The following ARHGEF12 variants were observed in gnomAD, a reference collection of about 807,000 sequenced individuals.
ARHGEF12 encodes Rho guanine nucleotide exchange factor 12, also known as KMT2A/ARHGEF12 fusion protein.
ARHGEF12 carries 66 observed loss-of-function variants against 211.2 expected under a neutral mutation model. That is an observed-to-expected ratio of 0.31 (90% CI 0.26 to 0.38). The LOEUF (loss-of-function observed/expected upper bound fraction) is 0.38. Ranked by LOEUF, ARHGEF12 falls within the 10% of genes least tolerant of loss-of-function variation. ARHGEF12 has a pLI of 1.00. For synonymous variants in ARHGEF12, 592 were observed against 638.4 expected (o/e 0.93, Z 1.09); for missense variants, 1,429 against 1,869.5 (o/e 0.76, Z 4.34).
chr11:120,457,477 A>AAAAC, intron 23 of ARHGEF12: 1 of 441,228 alleles, frequency 2.3e-6, no homozygotes. Flanking sequence ...TGTAAAAAAT[A>AAAAC]AAATAAATAA....
chr11:120,392,891 A>C (rs1015627797), intron 1 of ARHGEF12, among the ~76,000 whole-genome samples: 3 of 152,202 alleles, frequency 2.0e-5, no homozygotes, highest in African/African-American at 7.2e-5. Context: ...TGCTTACCCA[A>C]GAATGGAATT....
chr11:120,420,684 A>G (rs1945157706), intron 4 of ARHGEF12, 69 bp from the exon 5 acceptor site: 1 of 1,279,354 alleles, frequency 7.8e-7, no homozygotes, highest in Non-Finnish European at 1.1e-6. Context: ...TATTACTAAT[A>G]TATAATTATT....
chr11:120,348,495 T>A (rs1169421335), intron 1 of ARHGEF12, among the ~76,000 whole-genome samples: 1 of 152,160 alleles, frequency 6.6e-6, no homozygotes, highest in African/African-American at 2.4e-5. Context: ...CGTAAGTACA[T>A]AATACAAACT....
At chr11:120,376,877 A>T (rs902894995) in intron 1 of ARHGEF12, among the ~76,000 whole-genome samples, 2 of 152,164 alleles carry the variant, frequency 1.3e-5, no homozygotes, top group African/African-American at 4.8e-5. Context: ...CCACAAATGA[A>T]TGAGAGCATG....
chr11:120,478,338 T>C lies in ARHGEF12; in HGVS notation c.3715T>C (p.Ser1239Pro). The C allele has an allele frequency of 6.2e-7, 1 of 1,614,180 alleles. No individual in the cohort carries two copies. Among genetic ancestry groups the C allele is most frequent in the Non-Finnish European group, 8.5e-7 (1 of 1,180,018 alleles). The change falls in exon 37 of 41, where the codon TCA (serine) becomes CCA (proline). Residue 1239 changes from serine to proline, a missense_variant. By Grantham distance (74) the Ser-to-Pro change is moderately conservative (BLOSUM62 -1). This residue lies in a region of ARHGEF12 where 467 missense variants were observed against 468.4 expected (regional missense o/e 1.00). Coordinates refer to ENST00000397843, the MANE Select transcript of ARHGEF12 (RefSeq NM_015313.3). ...GEDYQIAIPDSHLPVSEERWA... is the reference protein window; with the variant it reads ...GEDYQIAIPDPHLPVSEERWA... ...AGATTATCAAATCGCAATCCCAGAT[T>C]CACACCTGCCTGTCTCAGAAGAACG... is the stretch of plus-strand genomic sequence containing the variant.
rs535255524 is a variant in ARHGEF12 at position 120,346,237 on chromosome 11, A to G, written c.32+8962A>G. On this transcript the variant is annotated intron_variant, in intron 1 of 40. Transcript: ENST00000397843. ...TAGGTTATGCTGCTGTAGCAACACT[A>G]TCAAATTTCAGTGGCTTACAACACT... Among the ~76,000 whole-genome samples, 9 of 152,348 alleles carry G rather than the reference A, an allele frequency of 5.9e-5. No homozygotes were observed. The South Asian group carries it at 1.9e-3, about 32-fold the overall frequency.
chr11:120,463,019 A>G (rs553881900), intron 27 of ARHGEF12: 1 of 152,360 alleles, frequency 6.6e-6, no homozygotes, highest in African/African-American at 2.4e-5. Context: ...CAACCACTCT[A>G]CAGTGTACTG....
chr11:120,383,299 G>A (rs564347254), intron 1 of ARHGEF12, among the ~76,000 whole-genome samples: 55 of 152,196 alleles, frequency 3.6e-4, no homozygotes, highest in African/African-American at 1.2e-3. Context: ...ACCAGGGACC[G>A]GTTTTGTTGT....
rs146480131 is a variant in ARHGEF12, at chr11:120,466,903, A to T, written c.2740-291A>T. Among the ~76,000 whole-genome samples, 445 of 152,356 alleles carry T rather than the reference A, an allele frequency of 2.9e-3. 3 individuals are homozygous for T. The highest frequency in any genetic ancestry group is 1.0e-2 in the African/African-American group (415 of 41,588). On this transcript the variant is annotated intron_variant, in intron 28 of 40. Coordinates refer to ENST00000397843, the MANE Select transcript of ARHGEF12 (RefSeq NM_015313.3). The stretch of plus-strand genomic sequence containing the variant: ...ACCTAGATTTTCTGAATAGGTGAAG[A>T]TAAAACTGTTTCAACACAAGGAAGC...
rs57780283 is a variant in ARHGEF12, at chr11:120,478,427, A to T, written c.3766+38A>T. ...CATAACTTATTACAGATACTTACTA[A>T]GTATGACACTCATGTGCCATCCCTA... On this transcript the variant is annotated intron_variant, in intron 37 of 40. Transcript: ENST00000397843. 18 of 1,552,426 alleles carry T rather than the reference A, an allele frequency of 1.2e-5. No individual in the cohort carries two copies. In the East Asian group the frequency reaches 2.5e-4, roughly 22 times the overall value.
At chr11:120,474,711 G>A in intron 32 of ARHGEF12, 76 bp downstream of exon 32, 1 of 1,160,408 alleles carries the variant, frequency 8.6e-7, no homozygotes, top group Non-Finnish European at 1.2e-6. Flanking sequence ...TATGACAAAG[G>A]GAAGAGGAGA....
chr11:120,473,008 G>T lies in ARHGEF12; in HGVS notation c.2956-42G>T. The T allele has an allele frequency of 2.5e-6, 4 of 1,575,246 alleles. No individual in the cohort carries two copies. In the South Asian group the frequency reaches 3.3e-5, roughly 13 times the overall value. ...ATTCAGAAATAGAGAGGTCATTAAT[G>T]ACCAAAGCACTAACCTTGGTTCCAC... On this transcript the variant is annotated intron_variant, in intron 30 of 40. Coordinates refer to ENST00000397843, the MANE Select transcript of ARHGEF12 (RefSeq NM_015313.3).
chr11:120,351,651 A>G (rs1238113267), intron 1 of ARHGEF12, among the ~76,000 whole-genome samples: 1 of 151,002 alleles, frequency 6.6e-6, no homozygotes, highest in East Asian at 2.0e-4. Flanking sequence ...TTGTATTTTT[A>G]GTAGAGACGG....
At chr11:120,482,363 C>G (rs12418325) in intron 39 of ARHGEF12, among the ~76,000 whole-genome samples, 1 of 152,068 alleles carries the variant, frequency 6.6e-6, no homozygotes, top group Non-Finnish European at 1.5e-5. Context: ...CATGGTCATG[C>G]ATGGGATTTT....
intron 1 of ARHGEF12, among the ~76,000 whole-genome samples, chr11:120,379,389 A>G (rs1220442201): frequency 1.3e-5 from 2 of 151,970 alleles, no homozygotes; most frequent in South Asian, 2.1e-4. Flanking sequence ...TAAGCCTTTT[A>G]TATATTTATT....
intron 1 of ARHGEF12, among the ~76,000 whole-genome samples, chr11:120,377,759 CATTGACCTGTTGGTGGAGGT>C (rs1339891789): frequency 2.6e-5 from 4 of 152,062 alleles, no homozygotes; most frequent in African/African-American, 7.2e-5. Flanking sequence ...TTTCTTTATC[CATTGACCTGTTGGTGGAGGT>C]TTGGATTGTT....
intron 3 of ARHGEF12, 59 bp downstream of exon 3, chr11:120,407,882 A>C: frequency 7.0e-7 from 1 of 1,436,474 alleles, no homozygotes. Flanking sequence ...AGAATAATAG[A>C]GCTTAAGCTA....
At position 120,485,224 on chromosome 11, in the gene ARHGEF12, C is replaced by A; in HGVS notation, c.*147C>A. On this transcript the variant is annotated 3_prime_UTR_variant, in exon 41 of 41. Transcript: ENST00000397843. ...CTGGGATTAGTCAAGTCCCAAGGTG[C>A]CCAGAGTGGGACTAGTTCTTCACAG... 1 of 934,494 alleles carries A rather than the reference C, an allele frequency of 1.1e-6. No homozygotes were observed. The allele number at this position is 934,494 out of a possible 1,614,324, so 57.9% of individuals were successfully genotyped here.
At position 120,442,198 on chromosome 11, in the gene ARHGEF12, C is replaced by T; in HGVS notation, c.1298C>T (p.Ser433Leu). Reference protein sequence around the residue: ...LEFHQFFLDRSAHLKVSVPDE... With the variant: ...LEFHQFFLDRLAHLKVSVPDE... ...TTTCATCAGTTCTTTCTAGATCGAT[C>T]AGCAGTAAGTTGCCAAGTTAATGTT... Residue 433 changes from serine (S) to leucine (L), a missense_variant, in exon 15 of 41, where the codon TCA becomes TTA. By Grantham distance (145) the Ser-to-Leu change is moderately radical. Transcript: ENST00000397843. 6.2e-7 allele frequency: 1 copy of T among 1,603,980 alleles called. No homozygotes were observed.
Sources: gnomAD v4.1 joint callset for allele counts (sites outside exome capture counted in the v4.1 genomes callset) on GRCh38, gnomAD v4.1.1 for gene constraint, gnomAD v4.1.1 regional missense constraint, MANE v1.5 for transcripts, NCBI Gene and HGNC (gene_info 2026-07-23, HGNC 2026-07-21) for gene names.